The following KMT2C variants were observed in gnomAD, a reference collection of about 807,000 sequenced individuals.
KMT2C encodes the protein lysine methyltransferase 2C.
In KMT2C, 88 loss-of-function variants were observed where a neutral mutation model predicts 507.9. The ratio of observed to expected loss-of-function variants is 0.17; its 90% CI spans 0.15 to 0.21. The LOEUF (loss-of-function observed/expected upper bound fraction) is 0.21, where lower values mean the gene tolerates loss of function less well. Among genes scored for constraint, KMT2C ranks in the 10% least tolerant of loss-of-function variants. The pLI is 1.00. For synonymous variants in KMT2C, 2,049 were observed against 2,080.8 expected, an observed-to-expected ratio of 0.98 and a Z score of 0.42; for missense variants, 4,954 against 5,957.8, an observed-to-expected ratio of 0.83 and a Z score of 5.55.
chr7:152,330,816 G>T, intron 2 of KMT2C, 77 bp from the exon 3 acceptor site: 1 of 1,316,058 alleles, frequency 7.6e-7, no homozygotes, highest in Non-Finnish European at 1.1e-6. Flanking sequence ...TATCTATAAA[G>T]CATAGGTCAT....
intron 1 of KMT2C, among the ~76,000 whole-genome samples, chr7:152,398,588 C>T (rs1032709483): frequency 1.3e-5 from 2 of 150,888 alleles, no homozygotes; most frequent in African/African-American, 5.0e-5. Context: ...ACTCTGTCAC[C>T]CAGTGAAACA....
chr7:152,301,197 T>TAAA (rs71533557), intron 6 of KMT2C, among the ~76,000 whole-genome samples: 7 of 132,566 alleles, frequency 5.3e-5, no homozygotes, highest in South Asian at 2.5e-4. Flanking sequence ...CCCTGTCTCC[T>TAAA]AAAAAAAAAA....
At chr7:152,183,247 G>C in intron 34 of KMT2C, 91 bp from the exon 35 acceptor site, 1 of 1,079,468 alleles carries the variant, frequency 9.3e-7, no homozygotes, top group East Asian at 2.5e-5. Flanking sequence ...TCAAATAAAA[G>C]AAAAAAAAGT....
intron 37 of KMT2C, among the ~76,000 whole-genome samples, chr7:152,179,442 T>G (rs73161891): frequency 6.6e-6 from 1 of 152,208 alleles, no homozygotes; most frequent in Non-Finnish European, 1.5e-5. Flanking sequence ...TGCAAGGTAA[T>G]GCTAACACAG....
Position 152,195,987 on chromosome 7 carries a change from T to A in KMT2C, c.4298A>T (p.Asp1433Val). The A allele has an allele frequency of 6.2e-7, 1 of 1,606,828 alleles. No individual in the cohort carries two copies. Among genetic ancestry groups the A allele is most frequent in the East Asian group, 2.2e-5 (1 of 44,726 alleles). Reference protein sequence around the residue: ...THGPADDPLADISEVLNTDDD... With the variant: ...THGPADDPLAVISEVLNTDDD... ...ATCTGTGTTTAAAACTTCAGAAATATCAGCTAATGGGTCATCAGCAGGACC... is the reference window on the plus strand; with the variant it reads ...ATCTGTGTTTAAAACTTCAGAAATAACAGCTAATGGGTCATCAGCAGGACC... Residue 1433 changes from aspartate (D) to valine (V), a missense_variant, in exon 28 of 59, where the codon GAT becomes GTT. Transcript: ENST00000262189.
At chr7:152,409,541 A>G (rs1296669992) in intron 1 of KMT2C, among the ~76,000 whole-genome samples, 2 of 150,322 alleles carry the variant, frequency 1.3e-5, no homozygotes, top group East Asian at 4.0e-4. Flanking sequence ...CACACAGTGA[A>G]ACCCCATGTC....
chr7:152,333,624 T>C (rs2096904604), intron 2 of KMT2C, among the ~76,000 whole-genome samples: 1 of 152,218 alleles, frequency 6.6e-6, no homozygotes, highest in Non-Finnish European at 1.5e-5. Context: ...AGATTAGCAC[T>C]TCAATCTGAC....
chr7:152,285,290 T>C, intron 6 of KMT2C, among the ~76,000 whole-genome samples: 1 of 152,306 alleles, frequency 6.6e-6, no homozygotes, highest in South Asian at 2.1e-4. Context: ...AACAGATCGG[T>C]GATTGGCAGG....
At chr7:152,261,113 T>C (rs1229213441) in intron 9 of KMT2C, among the ~76,000 whole-genome samples, 1 of 152,268 alleles carries the variant, frequency 6.6e-6, no homozygotes, top group African/African-American at 2.4e-5. Flanking sequence ...AGATAACATT[T>C]TTATAACACA....
chr7:152,159,946 C>A (rs10214963), intron 43 of KMT2C, among the ~76,000 whole-genome samples: 6,341 of 152,258 alleles, frequency 0.042, 449 homozygotes, highest in African/African-American at 0.14. Context: ...TGGATGGCAA[C>A]ATTTTTATGT....
At chr7:152,294,886 A>C (rs1182846260) in intron 6 of KMT2C, among the ~76,000 whole-genome samples, 2 of 152,150 alleles carry the variant, frequency 1.3e-5, no homozygotes, top group South Asian at 2.1e-4. Context: ...CCAAAGGATC[A>C]ATCTTCCATC....
chr7:152,367,271 A>C, intron 1 of KMT2C: 1 of 1,291,518 alleles, frequency 7.7e-7, no homozygotes, highest in South Asian at 1.3e-5. Context: ...ACCAACATTC[A>C]AAGCAGCTGC....
intron 1 of KMT2C, 44 bp from the exon 2 acceptor site, chr7:152,358,719 T>A (rs2129231629): frequency 7.8e-7 from 1 of 1,284,296 alleles, no homozygotes; most frequent in Non-Finnish European, 1.1e-6. Context: ...AGTTAAATGT[T>A]AAATTTTAAG....
At position 152,178,015 on chromosome 7, in the gene KMT2C, T is replaced by TAAAAA. The variant is rs746018833; in HGVS notation, c.7443-10_7443-6dup. 4.7e-5 allele frequency: 38 copies of TAAAAA among 811,024 alleles called. No individual in the cohort carries two copies. The highest frequency in any genetic ancestry group is 8.7e-5 in the Admixed American group (1 of 11,560). 50.2% of individuals were successfully genotyped at this position (811,024 alleles called of 1,614,324 possible). A position where few individuals can be genotyped will look rare whatever the true frequency, so the allele number is the denominator to read the frequency against. ...CTACCTCCTGGAAATCCAAATCTTT[T>TAAAAA]AAAAAAAAAAAAAAAAAAAAAAAAA... On this transcript the variant is annotated splice_polypyrimidine_tract_variant and splice_region_variant and intron_variant, in intron 37 of 58. Transcript: ENST00000262189.
At chr7:152,375,902 C>G (rs2097325619) in intron 1 of KMT2C, among the ~76,000 whole-genome samples, 1 of 152,162 alleles carries the variant, frequency 6.6e-6, no homozygotes, top group African/African-American at 2.4e-5. Context: ...TCACAGCTCA[C>G]TGCAGCCTCA....
At chr7:152,435,085 A>G (rs1262678840) in intron 1 of KMT2C, among the ~76,000 whole-genome samples, 2 of 152,060 alleles carry the variant, frequency 1.3e-5, no homozygotes, top group Non-Finnish European at 2.9e-5. Context: ...CAGGTTTGGG[A>G]CCAGGAAAAG....
chr7:152,378,987 A>G (rs907184999), intron 1 of KMT2C, among the ~76,000 whole-genome samples: 18 of 152,212 alleles, frequency 1.2e-4, no homozygotes, highest in African/African-American at 4.3e-4. Flanking sequence ...CATCTTCAAA[A>G]AACTTCCCCC....
At chr7:152,143,559 G>T (rs6464208) in intron 55 of KMT2C, among the ~76,000 whole-genome samples, 17,259 of 152,236 alleles carry the variant, frequency 0.11, 2,258 homozygotes, top group African/African-American at 0.31. Context: ...GGTCCACACT[G>T]TGAGATCCTG....
chr7:152,281,880 C>A (rs114671265), intron 6 of KMT2C, among the ~76,000 whole-genome samples: 2 of 151,980 alleles, frequency 1.3e-5, no homozygotes, highest in African/African-American at 2.4e-5. Flanking sequence ...ATGAAAGGAA[C>A]TGAACTCAAG....
Sources: allele counts gnomAD v4.1 joint callset (sites outside exome capture counted in the v4.1 genomes callset), GRCh38; gene constraint gnomAD v4.1.1; transcripts MANE v1.5; gene names NCBI Gene and HGNC (gene_info 2026-07-23, HGNC 2026-07-21).